The following MYRIP variants were observed in gnomAD, a reference collection of about 807,000 sequenced individuals.
MYRIP encodes rab effector MyRIP.
MYRIP carries 49 observed loss-of-function variants against 98.0 expected under a neutral mutation model. The observed-to-expected ratio is 0.50, with a 90% CI of 0.40 to 0.63. The LOEUF (loss-of-function observed/expected upper bound fraction) is 0.63, where lower values mean the gene tolerates loss of function less well. Ranked by LOEUF, MYRIP falls within the 30% of genes least tolerant of loss-of-function variation. The pLI is 0.00. For missense variants in MYRIP, 1,004 were observed against 1,058.2 expected (o/e 0.95, Z 0.71); for synonymous variants, 404 against 409.5 (o/e 0.99, Z 0.16).
chr3:40,080,791 C>CTTTTTTTTTTTTTTTTTTTTTTTTTTTTT (rs34610302), intron 3 of MYRIP, among the ~76,000 whole-genome samples: 1 of 93,840 alleles, frequency 1.1e-5, no homozygotes, highest in Non-Finnish European at 2.1e-5. Context: ...ATCCTAACTT[C>CTTTTTTTTTTTTTTTTTTTTTTTTTTTTT]TTTTTTTTTT....
intron 8 of MYRIP, among the ~76,000 whole-genome samples, chr3:40,181,887 CT>C (rs1305850455): frequency 6.6e-6 from 1 of 152,134 alleles, no homozygotes; most frequent in Non-Finnish European, 1.5e-5. Context: ...ATGCTTTCCA[CT>C]TTGCATGCCC....
intron 2 of MYRIP, among the ~76,000 whole-genome samples, chr3:39,990,927 C>T (rs1388842659): frequency 6.6e-6 from 1 of 152,144 alleles, no homozygotes; most frequent in African/African-American, 2.4e-5. Context: ...TGCATGTTCT[C>T]ACTCATAAGT....
At chr3:40,049,200 T>G (rs1947735116) in intron 3 of MYRIP, among the ~76,000 whole-genome samples, 1 of 152,212 alleles carries the variant, frequency 6.6e-6, no homozygotes, top group Non-Finnish European at 1.5e-5. Context: ...CTCATTTTAT[T>G]GTACTTTACT....
intron 1 of MYRIP, among the ~76,000 whole-genome samples, chr3:39,830,168 G>T (rs1031574497): frequency 2.0e-5 from 3 of 152,152 alleles, no homozygotes; most frequent in African/African-American, 7.2e-5. Context: ...CTACTCTTTT[G>T]TGGTCTACCC....
intron 10 of MYRIP, among the ~76,000 whole-genome samples, chr3:40,204,356 ATTT>A (rs1287092824): frequency 3.4e-5 from 5 of 146,406 alleles, no homozygotes; most frequent in Non-Finnish European, 6.0e-5. Context: ...TAATTTTTGT[ATTT>A]TTAGTAGAGA....
In MYRIP at chr3:40,197,845, T is replaced by C. The variant is rs537416788; in HGVS notation, c.1665+7382T>C. On this transcript the variant is annotated intron_variant, in intron 10 of 16. Coordinates refer to ENST00000302541, the MANE Select transcript of MYRIP (RefSeq NM_015460.4). Reference sequence around the variant, plus strand: ...CACATTAACTTTTCCTGTTAGCAGTTCTTAGATGAGGATAATGCTATTCCC... The same window carrying C: ...CACATTAACTTTTCCTGTTAGCAGTCCTTAGATGAGGATAATGCTATTCCC... 1.1e-4 allele frequency among the ~76,000 whole-genome samples: 16 copies of C among 152,324 alleles called. No homozygotes were observed. In the South Asian group the frequency reaches 3.3e-3, roughly 32 times the overall value.
chr3:40,198,217 G>A (rs1004632637), intron 10 of MYRIP, among the ~76,000 whole-genome samples: 8 of 124,974 alleles, frequency 6.4e-5, no homozygotes, highest in African/African-American at 1.3e-4. Flanking sequence ...GGGAAGCACC[G>A]AGGGCAGTTG....
Position 40,189,882 on chromosome 3 carries a change from G to A in MYRIP, c.1084G>A (p.Ala362Thr), listed in dbSNP as rs747295789. 11 of 1,614,134 alleles carry A rather than the reference G, an allele frequency of 6.8e-6. No individual in the cohort carries two copies. The Admixed American group carries it at 8.3e-5, about 12-fold the overall frequency. Residue 362 changes from alanine (A) to threonine (T), a missense_variant, in exon 10 of 17, where the codon GCT becomes ACT. Physicochemically the swap from Ala to Thr is moderately conservative, Grantham distance 58 (BLOSUM62 0). Transcript: ENST00000302541. ...DGNWVALKDG[A>T]PPPTRLLAKP... ...GAACTGGGTGGCCCTGAAGGATGGC[G>A]CTCCACCCCCCACCCGACTACTGGC...
chr3:40,053,560 C>G (rs1947831497), intron 3 of MYRIP, among the ~76,000 whole-genome samples: 1 of 152,114 alleles, frequency 6.6e-6, no homozygotes, highest in Non-Finnish European at 1.5e-5. Context: ...TTCATTTAAT[C>G]CTTACAAGAA....
chr3:39,836,902 C>A (rs145901589), intron 1 of MYRIP, among the ~76,000 whole-genome samples: 1 of 152,166 alleles, frequency 6.6e-6, no homozygotes, highest in Non-Finnish European at 1.5e-5. Context: ...TTGACCTCCC[C>A]GCCAGAGGGC....
chr3:40,187,027 A>G (rs1232334744), intron 9 of MYRIP, among the ~76,000 whole-genome samples: 2 of 152,248 alleles, frequency 1.3e-5, no homozygotes, highest in Admixed American at 1.3e-4. Flanking sequence ...GTTGCTGTAT[A>G]GATATTAATA....
chr3:40,196,033 C>G (rs564563433), intron 10 of MYRIP, among the ~76,000 whole-genome samples: 2 of 152,006 alleles, frequency 1.3e-5, no homozygotes, highest in East Asian at 1.9e-4. Context: ...ATTCTCATCA[C>G]GTTTTAAAAA....
In MYRIP at chr3:39,981,561, C is replaced by T. The variant is rs541057385; in HGVS notation, c.111-62489C>T. On this transcript the variant is annotated intron_variant, in intron 2 of 16. Coordinates refer to ENST00000302541, the MANE Select transcript of MYRIP (RefSeq NM_015460.4). ...AAAATAATAGCTGCCTTCTGCATTG[C>T]CTGGTACTGTGGAAGACCATTACTC... 1.9e-3 allele frequency among the ~76,000 whole-genome samples: 296 copies of T among 152,232 alleles called. 1 individual carries two copies. The highest frequency in any genetic ancestry group is 6.8e-3 in the African/African-American group (282 of 41,538).
intron 2 of MYRIP, among the ~76,000 whole-genome samples, chr3:40,028,175 C>T (rs1166314015): frequency 6.6e-6 from 1 of 152,116 alleles, no homozygotes; most frequent in East Asian, 1.9e-4. Flanking sequence ...CCTCTAACAA[C>T]CTGTCAGAGC....
intron 3 of MYRIP, among the ~76,000 whole-genome samples, chr3:40,064,392 C>T (rs934203656): frequency 2.0e-5 from 3 of 152,052 alleles, no homozygotes; most frequent in African/African-American, 7.2e-5. Context: ...ATCTATAAAG[C>T]AGAGACATAT....
chr3:39,965,531 G>T (rs1945418366), intron 2 of MYRIP, among the ~76,000 whole-genome samples: 1 of 152,010 alleles, frequency 6.6e-6, no homozygotes, highest in Non-Finnish European at 1.5e-5. Flanking sequence ...ATTGGTCAGG[G>T]TCAGTTAGAG....
At chr3:39,918,527 T>C (rs1944228290) in intron 2 of MYRIP, among the ~76,000 whole-genome samples, 3 of 152,218 alleles carry the variant, frequency 2.0e-5, no homozygotes, top group Non-Finnish European at 1.5e-5. Flanking sequence ...TAATGAGGCC[T>C]GAGCTGTGCC....
At chr3:40,000,422 C>T (rs1054257740) in intron 2 of MYRIP, among the ~76,000 whole-genome samples, 3 of 152,130 alleles carry the variant, frequency 2.0e-5, no homozygotes, top group Admixed American at 6.6e-5. Flanking sequence ...GGAAAGGTTC[C>T]TCCCCATGTC....
rs190697340 is a variant in MYRIP at position 39,994,317 on chromosome 3, G to A, written c.111-49733G>A. On this transcript the variant is annotated intron_variant, in intron 2 of 16. Coordinates refer to ENST00000302541, the MANE Select transcript of MYRIP (RefSeq NM_015460.4). ...AAGAAAGGGGTGACAGATGGCACCT[G>A]GAAAATCAGGTCACTCCCACCCTAA... Among the ~76,000 whole-genome samples the A allele has an allele frequency of 1.3e-5, 2 of 152,340 alleles. 1 individual carries two copies. Among genetic ancestry groups the A allele is most frequent in the Admixed American group, 1.3e-4 (2 of 15,310 alleles).
Sources: gnomAD v4.1 joint callset for allele counts (sites outside exome capture counted in the v4.1 genomes callset) on GRCh38, gnomAD v4.1.1 for gene constraint, MANE v1.5 for transcripts, NCBI Gene and HGNC (gene_info 2026-07-23, HGNC 2026-07-21) for gene names.